SORT1: variants seen among roughly 807,000 people sequenced by gnomAD.
SORT1 encodes sortilin 1.
SORT1 carries 39 observed loss-of-function variants against 101.7 expected under a neutral mutation model. The observed-to-expected ratio is 0.38, with a 90% CI of 0.30 to 0.50. The LOEUF is 0.50. Ranked by LOEUF, SORT1 falls within the 20% of genes least tolerant of loss-of-function variation. The pLI is 0.90. For missense variants in SORT1, 878 were observed against 1,040.4 expected (o/e 0.84, Z 2.15); for synonymous variants, 396 against 393.7 (o/e 1.01, Z -0.07).
At chr1:109,376,547 T>C (rs182474328) in intron 1 of SORT1, among the ~76,000 whole-genome samples, 222 of 140,686 alleles carry the variant, frequency 1.6e-3, no homozygotes, top group African/African-American at 5.4e-3. Context: ...ATATACACCA[T>C]GTAATACTAT....
chr1:109,355,462 A>G lies in SORT1; in HGVS notation c.448T>C (p.Tyr150His), dbSNP rs1433037645. ...GQSKLYRSED[Y>H]GKNFKDITDL... ...GTAATATCCTTAAAGTTCTTCCCAT[A>G]ATCCTCACTGAGAGGAAGAAAAAAA... Residue 150 changes from tyrosine (Y) to histidine (H), a missense_variant, in exon 4 of 20, where the codon TAT (tyrosine) becomes CAT (histidine). Coordinates refer to ENST00000256637, the MANE Select transcript of SORT1 (RefSeq NM_002959.7). The G allele has an allele frequency of 6.5e-7, 1 of 1,544,476 alleles. No homozygotes were observed. Among genetic ancestry groups the G allele is most frequent in the East Asian group, 2.2e-5 (1 of 44,554 alleles).
intron 7 of SORT1, among the ~76,000 whole-genome samples, chr1:109,346,094 G>A (rs764971469): frequency 2.6e-5 from 4 of 152,084 alleles, no homozygotes; most frequent in Admixed American, 2.0e-4. Flanking sequence ...GGCGGATCAC[G>A]AGGTCAGGAG....
chr1:109,381,782 T>C (rs1286682953), intron 1 of SORT1, among the ~76,000 whole-genome samples: 3 of 152,120 alleles, frequency 2.0e-5, no homozygotes, highest in Non-Finnish European at 4.4e-5. Flanking sequence ...ATACACTGTT[T>C]GAGCCCAGGA....
At chr1:109,383,950 G>A (rs769137971) in intron 1 of SORT1, among the ~76,000 whole-genome samples, 21 of 152,122 alleles carry the variant, frequency 1.4e-4, no homozygotes, top group East Asian at 3.8e-4. Context: ...TCTACAAAAC[G>A]CTGCGTGAAA....
At chr1:109,368,503 ACTAT>A (rs1336735169) in intron 2 of SORT1, 4 of 152,156 alleles carry the variant, frequency 2.6e-5, no homozygotes, top group African/African-American at 9.7e-5. Flanking sequence ...TTCTAATATA[ACTAT>A]CATGTGCCTC....
chr1:109,397,911 A>T lies in SORT1; in HGVS notation c.-19T>A, dbSNP rs1445220756. On this transcript the variant is annotated 5_prime_UTR_variant, in exon 1 of 20. Coordinates refer to ENST00000256637, the MANE Select transcript of SORT1 (RefSeq NM_002959.7). ...GCTCCATCGCCGCCGAATGCCGCCG[A>T]CGCCGACACCTGCCGCCCGGCGCGC... 1 of 1,140,812 alleles carries T rather than the reference A, an allele frequency of 8.8e-7. No homozygotes were observed. Among genetic ancestry groups the T allele is most frequent in the Non-Finnish European group, 1.1e-6 (1 of 932,270 alleles). 70.7% of individuals were successfully genotyped at this position (1,140,812 alleles called of 1,614,324 possible).
At position 109,336,965 on chromosome 1, in the gene SORT1, T is replaced by A. The variant is rs528146770; in HGVS notation, c.1265-619A>T. Among the ~76,000 whole-genome samples the A allele has an allele frequency of 2.0e-5, 3 of 152,322 alleles. No homozygotes were observed. In the East Asian group the frequency reaches 5.8e-4, roughly 29 times the overall value. On this transcript the variant is annotated intron_variant, in intron 10 of 19. Coordinates refer to ENST00000256637, the MANE Select transcript of SORT1 (RefSeq NM_002959.7). ...GCTGATGTCCATTCTCCTTCCCTGT[T>A]TGCTTGCCTGGGAAGTAAAATCTAC... is the stretch of plus-strand genomic sequence containing the variant.
chr1:109,329,726 C>T (rs976871072), intron 11 of SORT1, among the ~76,000 whole-genome samples: 1 of 152,160 alleles, frequency 6.6e-6, no homozygotes, highest in Non-Finnish European at 1.5e-5. Context: ...CAAACATTAA[C>T]AGAACTGAAG....
At chr1:109,344,609 TA>T (rs1415741598) in intron 8 of SORT1, among the ~76,000 whole-genome samples, 1 of 152,236 alleles carries the variant, frequency 6.6e-6, no homozygotes, top group Non-Finnish European at 1.5e-5. Context: ...ACAGTCTGTC[TA>T]AAAGAGCACT....
In SORT1 at chr1:109,358,852, TA is replaced by T. The variant is rs745825760; in HGVS notation, c.441-3384del. On this transcript the variant is annotated intron_variant, in intron 3 of 19. Transcript: ENST00000256637. ...TGGGCGACAGAGTGAGACTCCGTCT[TA>T]AAAAAAAAAAAAAAAAGAAACAAGT... Among the ~76,000 whole-genome samples, 1,116 of 130,560 alleles carry T rather than the reference TA, an allele frequency of 8.5e-3. 1 individual carries two copies. Among genetic ancestry groups the T allele is most frequent in the Middle Eastern group, 0.012 (3 of 250 alleles). 85.7% of individuals were successfully genotyped at this position (130,560 alleles called of 152,430 possible).
intron 15 of SORT1, among the ~76,000 whole-genome samples, chr1:109,320,117 C>CGGGGGCA (rs935808604): frequency 1.3e-5 from 2 of 152,010 alleles, no homozygotes; most frequent in Admixed American, 1.3e-4. Flanking sequence ...AGTCTTTTGC[C>CGGGGGCA]GGGGGCAGGG....
intron 1 of SORT1, among the ~76,000 whole-genome samples, chr1:109,385,479 C>G (rs1390501019): frequency 6.6e-6 from 1 of 152,182 alleles, no homozygotes; most frequent in Non-Finnish European, 1.5e-5. Context: ...CAATAAATAG[C>G]TACATTTCAT....
chr1:109,392,271 T>C (rs916476457), intron 1 of SORT1, among the ~76,000 whole-genome samples: 4 of 152,124 alleles, frequency 2.6e-5, no homozygotes, highest in African/African-American at 9.7e-5. Flanking sequence ...ACAGGCCAAC[T>C]GGGACAAAGT....
rs144141753 is a variant in SORT1 at position 109,336,271 on chromosome 1, T to C, written c.1340A>G (p.Glu447Gly). ...WTHLRKPENS[E>G]CDATAKNKNE... is the part of the protein sequence containing the mutation. ...CTTGTTTTTTGCTGTAGCATCACAT[T>C]CACTGTTTTCAGGCTTCCTCAGGTG... The change falls in exon 11 of 20, where the codon GAA becomes GGA. Residue 447 changes from glutamate to glycine, a missense_variant. By Grantham distance (98) the Glu-to-Gly change is moderately conservative (BLOSUM62 -2). Coordinates refer to ENST00000256637, the MANE Select transcript of SORT1 (RefSeq NM_002959.7). 1,980 of 1,613,092 alleles carry C rather than the reference T, an allele frequency of 1.2e-3. 3 individuals carry two copies. The highest frequency in any genetic ancestry group is 2.3e-3 in the Middle Eastern group (14 of 6,062).
At chr1:109,395,165 G>T (rs1258727221) in intron 1 of SORT1, among the ~76,000 whole-genome samples, 1 of 138,448 alleles carries the variant, frequency 7.2e-6, no homozygotes, top group Non-Finnish European at 1.5e-5. Flanking sequence ...GAAAGGATGA[G>T]ATCTCTGAAG....
chr1:109,353,346 A>C (rs6683212), intron 5 of SORT1, among the ~76,000 whole-genome samples: 92,305 of 138,392 alleles, frequency 0.67, 31,639 homozygotes, highest in East Asian at 0.94. Flanking sequence ...AAAAAAAAAA[A>C]AAAAACAAAA....
Position 109,397,630 on chromosome 1 carries a change from C to G in SORT1, c.263G>C (p.Arg88Pro), listed in dbSNP as rs555142180. ...SAPGEDEECG[R>P]VRDFVAKLAN... ...CAGCTTGGCGACGAAGTCCCGGACC[C>G]GGCCGCACTCCTCGTCCTCGCCCGG... The change falls in exon 1 of 20, where the codon CGG (arginine) becomes CCG (proline). Residue 88 changes from arginine (R) to proline (P), a missense_variant. Physicochemically the swap from Arg to Pro is moderately radical, Grantham distance 103. Coordinates refer to ENST00000256637, the MANE Select transcript of SORT1 (RefSeq NM_002959.7). 1 of 1,277,866 alleles carries G rather than the reference C, an allele frequency of 7.8e-7. No homozygotes were observed. The highest frequency in any genetic ancestry group is 1.6e-5 in the African/African-American group (1 of 62,676). The allele number at this position is 1,277,866 out of a possible 1,614,324, so 79.2% of individuals were successfully genotyped here. A position where few individuals can be genotyped will look rare whatever the true frequency, so the allele number is the denominator to read the frequency against.
intron 11 of SORT1, 63 bp downstream of exon 11, chr1:109,336,177 C>A: frequency 2.0e-6 from 2 of 998,270 alleles, no homozygotes; most frequent in Non-Finnish European, 3.2e-6. Context: ...ATCCAAAAGG[C>A]TGGCACTGAT....
intron 15 of SORT1, among the ~76,000 whole-genome samples, chr1:109,320,986 C>G (rs1362278595): frequency 6.6e-6 from 1 of 152,160 alleles, no homozygotes; most frequent in East Asian, 1.9e-4. Flanking sequence ...CATGTGGGCT[C>G]TGGAGTTGGG....
Sources: gnomAD v4.1 joint callset for allele counts (sites outside exome capture counted in the v4.1 genomes callset) on GRCh38, gnomAD v4.1.1 for gene constraint, MANE v1.5 for transcripts, NCBI Gene and HGNC (gene_info 2026-07-23, HGNC 2026-07-21) for gene names.